RPS6KC1: variants seen among roughly 807,000 people sequenced by gnomAD.
RPS6KC1 encodes inactive ribosomal protein S6 kinase delta-1.
Under a neutral mutation model 103.8 loss-of-function variants are expected in RPS6KC1, and 54 were observed. The observed-to-expected ratio is 0.52, with a 90% CI of 0.42 to 0.65. The LOEUF is 0.65. Ranked by LOEUF, RPS6KC1 falls within the 30% of genes least tolerant of loss-of-function variation. The pLI is 0.00. For synonymous variants in RPS6KC1, 439 were observed against 438.7 expected, an observed-to-expected ratio of 1.00 and a Z score of -0.01; for missense variants, 1,151 against 1,253.8, an observed-to-expected ratio of 0.92 and a Z score of 1.24.
chr1:213,390,587 G>A, the RPS6KC1 span, among the ~76,000 whole-genome samples: 1 of 152,186 alleles, frequency 6.6e-6, no homozygotes, highest in African/African-American at 2.4e-5. Context: ...GTAACGGCTG[G>A]AGGATCACTT....
chr1:213,327,423 C>A, the RPS6KC1 span, among the ~76,000 whole-genome samples: 1 of 152,214 alleles, frequency 6.6e-6, no homozygotes, highest in East Asian at 1.9e-4. Flanking sequence ...CTTCTCTTTT[C>A]TCTGGCACTT....
the RPS6KC1 span, among the ~76,000 whole-genome samples, chr1:213,541,300 GATC>G: frequency 6.6e-6 from 1 of 151,160 alleles, no homozygotes; most frequent in Non-Finnish European, 1.5e-5. Flanking sequence ...TAACATCAAA[GATC>G]ATTGATCACA....
chr1:213,129,590 A>G lies in RPS6KC1; in HGVS notation c.536A>G (p.Asp179Gly), dbSNP rs367564641. The G allele has an allele frequency of 2.4e-5, 39 of 1,613,794 alleles. No homozygotes were observed. The highest frequency in any genetic ancestry group is 1.7e-5 in the Non-Finnish European group (20 of 1,179,842). ...GATGTGGATTCTCTTGCTGAGTTAG[A>G]TGATGGAATGGCTTCCAATCAAAAT... The part of the protein sequence containing the change: ...TVDVDSLAEL[D>G]DGMASNQNSP... The change falls in exon 6 of 15, where the codon GAT becomes GGT. Residue 179 changes from aspartate (D) to glycine (G), a missense_variant. Physicochemically the swap from Asp to Gly is moderately conservative, Grantham distance 94 (BLOSUM62 -1). Coordinates refer to ENST00000366960, the MANE Select transcript of RPS6KC1 (RefSeq NM_012424.6).
intron 8 of RPS6KC1, among the ~76,000 whole-genome samples, chr1:213,216,720 C>A (rs1010953717): frequency 3.3e-5 from 5 of 152,334 alleles, no homozygotes; most frequent in African/African-American, 9.6e-5. Flanking sequence ...AAGAAACTCA[C>A]TCAAAACCAC....
intron 1 of RPS6KC1, among the ~76,000 whole-genome samples, chr1:213,067,660 C>T (rs1487920932): frequency 1.3e-5 from 2 of 152,178 alleles, no homozygotes; most frequent in East Asian, 1.9e-4. Context: ...CTTCACTCTG[C>T]ACTCCCCTCC....
the RPS6KC1 span, among the ~76,000 whole-genome samples, chr1:213,828,464 G>A: frequency 3.9e-5 from 6 of 152,092 alleles, no homozygotes; most frequent in South Asian, 4.1e-4. Flanking sequence ...AAAGTCCACC[G>A]TGCACATGTT....
At chr1:213,420,484 A>G in the RPS6KC1 span, among the ~76,000 whole-genome samples, 1 of 152,220 alleles carries the variant, frequency 6.6e-6, no homozygotes, top group Non-Finnish European at 1.5e-5. Context: ...ATGCTTACAG[A>G]CAAGACAAAA....
the RPS6KC1 span, among the ~76,000 whole-genome samples, chr1:213,808,886 GCTATAGA>G: frequency 6.6e-6 from 1 of 152,248 alleles, no homozygotes; most frequent in Non-Finnish European, 1.5e-5. Context: ...CACGCTGGGA[GCTATAGA>G]CCGGAGCTGT....
intron 8 of RPS6KC1, among the ~76,000 whole-genome samples, chr1:213,181,536 C>G (rs1264145645): frequency 6.6e-6 from 1 of 152,106 alleles, no homozygotes; most frequent in Non-Finnish European, 1.5e-5. Context: ...AAAACTGGTA[C>G]TTATTTTTTA....
At chr1:213,845,077 A>AT in the RPS6KC1 span, among the ~76,000 whole-genome samples, 1 of 152,038 alleles carries the variant, frequency 6.6e-6, no homozygotes, top group African/African-American at 2.4e-5. Context: ...AACAAGGAAA[A>AT]TTACATGGGT....
the RPS6KC1 span, among the ~76,000 whole-genome samples, chr1:213,374,666 G>A: frequency 1.4e-4 from 22 of 152,326 alleles, no homozygotes; most frequent in South Asian, 4.4e-3. Context: ...ATCACACCAC[G>A]TGGAAAGGTG....
chr1:213,324,113 G>A, the RPS6KC1 span, among the ~76,000 whole-genome samples: 1 of 152,170 alleles, frequency 6.6e-6, no homozygotes, highest in African/African-American at 2.4e-5. Context: ...AAAGATATAA[G>A]AGTCATGGTC....
At chr1:213,124,064 A>T (rs1426087942) in intron 5 of RPS6KC1, among the ~76,000 whole-genome samples, 1 of 152,162 alleles carries the variant, frequency 6.6e-6, no homozygotes. Flanking sequence ...AGGTAAGGGT[A>T]GGTAGGTGAA....
the RPS6KC1 span, among the ~76,000 whole-genome samples, chr1:213,767,430 T>C: frequency 6.6e-6 from 1 of 152,324 alleles, no homozygotes; most frequent in South Asian, 2.1e-4. Context: ...TGAAATACTC[T>C]TCCCCTCCTC....
chr1:213,518,466 G>T, the RPS6KC1 span, among the ~76,000 whole-genome samples: 1 of 152,206 alleles, frequency 6.6e-6, no homozygotes. Context: ...ACCAGAAGCT[G>T]GAAGAAGCAA....
intron 6 of RPS6KC1, among the ~76,000 whole-genome samples, chr1:213,139,161 A>G (rs2086726872): frequency 6.6e-6 from 1 of 151,232 alleles, no homozygotes; most frequent in South Asian, 2.1e-4. Flanking sequence ...TTCTTTTGAG[A>G]AGTGCCTGTT....
the RPS6KC1 span, among the ~76,000 whole-genome samples, chr1:213,765,138 T>G: frequency 6.6e-6 from 1 of 152,186 alleles, no homozygotes; most frequent in African/African-American, 2.4e-5. Flanking sequence ...ATCCCAACCC[T>G]GTTTAAGTCT....
chr1:213,062,056 T>C (rs965375740), intron 1 of RPS6KC1, among the ~76,000 whole-genome samples: 3 of 150,540 alleles, frequency 2.0e-5, no homozygotes, highest in Admixed American at 2.0e-4. Flanking sequence ...TATTTTATCT[T>C]TTTTTTTAAC....
chr1:213,206,189 A>G (rs1045882529), intron 8 of RPS6KC1, among the ~76,000 whole-genome samples: 14 of 152,212 alleles, frequency 9.2e-5, no homozygotes, highest in Admixed American at 5.9e-4. Flanking sequence ...TTATAATAGG[A>G]CAACCTTTAA....
Sources: gnomAD v4.1 joint callset for allele counts (sites outside exome capture counted in the v4.1 genomes callset) on GRCh38, gnomAD v4.1.1 for gene constraint, MANE v1.5 for transcripts, NCBI Gene and HGNC (gene_info 2026-07-23, HGNC 2026-07-21) for gene names.